The following ECPAS variants were observed in gnomAD, a reference collection of about 807,000 sequenced individuals.
ECPAS encodes the protein Ecm29 proteasome adaptor and scaffold.
Under a neutral mutation model 255.1 loss-of-function variants are expected in ECPAS, and 70 were observed. The ratio of observed to expected loss-of-function variants is 0.27; its 90% CI spans 0.23 to 0.33. The LOEUF (loss-of-function observed/expected upper bound fraction) is 0.33, where lower values mean the gene tolerates loss of function less well. ECPAS is among the 10% of genes least tolerant of loss of function. ECPAS has a pLI of 1.00. For missense variants in ECPAS, 1,817 were observed against 2,206.4 expected, an observed-to-expected ratio of 0.82 and a Z score of 3.54; for synonymous variants, 784 against 775.0, an observed-to-expected ratio of 1.01 and a Z score of -0.19.
chr9:111,405,375 A>C (rs1235435043), intron 24 of ECPAS, among the ~76,000 whole-genome samples: 2 of 149,782 alleles, frequency 1.3e-5, no homozygotes, highest in Non-Finnish European at 2.9e-5. Context: ...AGAATAATGA[A>C]ACTGGGCCCC....
chr9:111,369,942 C>A (rs565715302), intron 45 of ECPAS, among the ~76,000 whole-genome samples: 1 of 152,318 alleles, frequency 6.6e-6, no homozygotes, highest in African/African-American at 2.4e-5. Flanking sequence ...ATAAACTGTT[C>A]ATTCACTACC....
chr9:111,372,480 C>T lies in ECPAS; in HGVS notation c.4477G>A (p.Glu1493Lys), dbSNP rs201047834. ...MHEIADEEKS[E>K]KEECNLWTEV... ...GTCCATAAATTACATTCTTCTTTTT[C>T]GGATTTCTCCTCATCAGCAATTTCA... Residue 1493 changes from glutamate (E) to lysine (K), a missense_variant, in exon 42 of 50, where the codon GAA becomes AAA. Coordinates refer to ENST00000684092, the MANE Select transcript of ECPAS (RefSeq NM_001364929.1). The T allele has an allele frequency of 9.7e-5, 156 of 1,613,686 alleles. 1 individual carries two copies. Among genetic ancestry groups the T allele is most frequent in the Non-Finnish European group, 1.2e-4 (142 of 1,179,776 alleles).
At position 111,430,616 on chromosome 9, in the gene ECPAS, C is replaced by G. The variant is rs1283451208; in HGVS notation, c.861G>C (p.Trp287Cys). The G allele has an allele frequency of 1.9e-6, 3 of 1,592,460 alleles. No individual in the cohort carries two copies. Among genetic ancestry groups the G allele is most frequent in the Non-Finnish European group, 2.6e-6 (3 of 1,167,574 alleles). The change falls in exon 9 of 50, where the codon TGG becomes TGC. Residue 287 changes from tryptophan to cysteine, a missense_variant. Trp to Cys is a radical substitution (Grantham distance 215). Around this residue, in one of 4 missense-constraint regions of ECPAS, gnomAD observed 573 missense variants for 716.2 expected, o/e 0.80. Transcript: ENST00000684092. ...TCTTATTAATGATGGCAGGATTATT[C>G]CAGTCAATTAAGCTATGGAAGGTTT... ...ELKSKQSLID[W>C]NNPAIINKMY...
intron 2 of ECPAS, among the ~76,000 whole-genome samples, chr9:111,459,124 A>G (rs2098270303): frequency 6.6e-6 from 1 of 152,150 alleles, no homozygotes; most frequent in Admixed American, 6.5e-5. Context: ...GTAATTATAT[A>G]TGATATAAAA....
At chr9:111,394,416 T>G (rs1348923090) in intron 25 of ECPAS, 111 bp from the exon 26 acceptor site, 1 of 1,012,420 alleles carries the variant, frequency 9.9e-7, no homozygotes, top group Non-Finnish European at 1.3e-6. Context: ...TATATAAAAA[T>G]CTAAATGGCT....
chr9:111,387,069 G>A (rs1004508452), intron 31 of ECPAS, among the ~76,000 whole-genome samples: 3 of 152,250 alleles, frequency 2.0e-5, no homozygotes, highest in Non-Finnish European at 4.4e-5. Flanking sequence ...CGTCAGTGCA[G>A]TTATTGAGGG....
Position 111,378,670 on chromosome 9 carries a change from T to C in ECPAS, c.3864A>G (p.Pro1288=), listed in dbSNP as rs1461873735. The C allele has an allele frequency of 6.2e-7, 1 of 1,613,800 alleles. No homozygotes were observed. Among genetic ancestry groups the C allele is most frequent in the African/African-American group, 1.3e-5 (1 of 74,948 alleles). Residue 1288 remains proline, a synonymous_variant, in exon 36 of 50, where the codon CCA becomes CCG. Coordinates refer to ENST00000684092, the MANE Select transcript of ECPAS (RefSeq NM_001364929.1). ...SAGAMLKPHA[P]KLIPALLESL... is the part of the protein sequence containing the mutation. ...ACTCTAGCAGAGCTGGAATGAGTTT[T>C]GGTGCATGCGGTTTCAACATGGCTC...
At chr9:111,426,249 A>T (rs1373720336) in intron 10 of ECPAS, among the ~76,000 whole-genome samples, 1 of 152,170 alleles carries the variant, frequency 6.6e-6, no homozygotes, top group Non-Finnish European at 1.5e-5. Flanking sequence ...CCACATCTAG[A>T]AGGCAAAAAG....
At chr9:111,390,703 AGAC>A (rs1426370221) in intron 29 of ECPAS, among the ~76,000 whole-genome samples, 2 of 152,254 alleles carry the variant, frequency 1.3e-5, no homozygotes, top group African/African-American at 4.8e-5. Flanking sequence ...CTCCTGCTGC[AGAC>A]AACAATGAAG....
intron 26 of ECPAS, 45 bp from the exon 27 acceptor site, chr9:111,393,779 T>C (rs2098163723): frequency 5.4e-6 from 7 of 1,288,428 alleles, no homozygotes; most frequent in Non-Finnish European, 7.8e-6. Flanking sequence ...CTCTACCTCT[T>C]TGAGAGAATA....
At chr9:111,432,235 GAA>G (rs1332808137) in intron 8 of ECPAS, among the ~76,000 whole-genome samples, 1 of 152,154 alleles carries the variant, frequency 6.6e-6, no homozygotes, top group Admixed American at 6.5e-5. Flanking sequence ...TAAAAGGATA[GAA>G]ATATCTTTAT....
rs774829007 is a variant in ECPAS, at chr9:111,440,369, C to T, written c.539+3G>A. On this transcript the variant is annotated splice_donor_region_variant and intron_variant, in intron 6 of 49. Coordinates refer to ENST00000684092, the MANE Select transcript of ECPAS (RefSeq NM_001364929.1). ...ACAAGGTTGCTTTTATTTTTTAACT[C>T]ACCCATAAGGCATCAGAAGGACATC... 8.2e-6 allele frequency: 13 copies of T among 1,588,272 alleles called. No individual in the cohort carries two copies. The highest frequency in any genetic ancestry group is 1.1e-5 in the Non-Finnish European group (13 of 1,165,004).
chr9:111,374,815 A>T (rs2098131507), intron 38 of ECPAS, among the ~76,000 whole-genome samples: 1 of 152,192 alleles, frequency 6.6e-6, no homozygotes, highest in Non-Finnish European at 1.5e-5. Context: ...ATGCCCTAAT[A>T]ACTGGATGTG....
intron 13 of ECPAS, among the ~76,000 whole-genome samples, chr9:111,422,648 C>A (rs866977115): frequency 6.6e-6 from 1 of 152,148 alleles, no homozygotes; most frequent in South Asian, 2.1e-4. Flanking sequence ...TCTACACAGG[C>A]CAACACAAAA....
rs139566911 is a variant in ECPAS, at chr9:111,465,846, C to T, written c.22+7051G>A. 1.1e-3 allele frequency among the ~76,000 whole-genome samples: 173 copies of T among 151,714 alleles called. 1 individual carries two copies. In the East Asian group the frequency reaches 0.031, roughly 27 times the overall value. ...CCCAGGAGTTTGAGACCAGCCTCGG[C>T]AACACAGCAAGACCCCATCTCTACA... On this transcript the variant is annotated intron_variant, in intron 2 of 49. Transcript: ENST00000684092.
At chr9:111,395,841 T>C (rs72764771) in intron 25 of ECPAS, among the ~76,000 whole-genome samples, 43,636 of 152,068 alleles carry the variant, frequency 0.29, 7,626 homozygotes, top group Non-Finnish European at 0.4. Flanking sequence ...CCTTACCTCC[T>C]TCCTTCTATA....
At chr9:111,458,395 C>T (rs1343662226) in intron 2 of ECPAS, among the ~76,000 whole-genome samples, 1 of 152,108 alleles carries the variant, frequency 6.6e-6, no homozygotes, top group East Asian at 1.9e-4. Flanking sequence ...TGTCCATGTT[C>T]CTGAGAGGAA....
chr9:111,372,544 A>G lies in ECPAS; in HGVS notation c.4413T>C (p.His1471=), dbSNP rs890804211. 3 of 1,613,742 alleles carry G rather than the reference A, an allele frequency of 1.9e-6. No homozygotes were observed. Among genetic ancestry groups the G allele is most frequent in the Admixed American group, 1.7e-5 (1 of 59,968 alleles). The change falls in exon 42 of 50, where the codon CAT becomes CAC. Residue 1471 remains histidine (H), a synonymous_variant. Coordinates refer to ENST00000684092, the MANE Select transcript of ECPAS (RefSeq NM_001364929.1). ...ATGCCAGAGGCAGGACTTCTTTTGC[A>G]TGATTCTTTAATACATCAGGGCTGT... ...GRYSPDVLKN[H]AKEVLPLAFL... is the part of the protein sequence containing the mutation.
chr9:111,433,375 G>A lies in ECPAS; in HGVS notation c.709-3C>T, dbSNP rs369055960. On this transcript the variant is annotated splice_polypyrimidine_tract_variant and splice_region_variant and intron_variant, in intron 7 of 49. Transcript: ENST00000684092. ...AATTTCACGATTCCCAATTTGCACT[G>A]TAGATAAATGAAGGGAAGGAGAAAG... The A allele has an allele frequency of 1.2e-4, 195 of 1,613,886 alleles. No homozygotes were observed. In the Middle Eastern group the frequency reaches 1.8e-3, roughly 15 times the overall value.
Sources: allele counts gnomAD v4.1 joint callset (sites outside exome capture counted in the v4.1 genomes callset), GRCh38; gene constraint gnomAD v4.1.1; regional missense constraint gnomAD v4.1.1; transcripts MANE v1.5; gene names NCBI Gene and HGNC (gene_info 2026-07-23, HGNC 2026-07-21).